The following MAP3K4 variants were observed in gnomAD, a reference collection of about 807,000 sequenced individuals.
MAP3K4 encodes the protein MAP three kinase 1.
In MAP3K4, 67 loss-of-function variants were observed where a neutral mutation model predicts 185.6. The observed-to-expected ratio is 0.36, with a 90% CI of 0.30 to 0.44. The LOEUF (loss-of-function observed/expected upper bound fraction) is 0.44. MAP3K4 is among the 20% of genes least tolerant of loss of function. The pLI, the probability that MAP3K4 is intolerant of heterozygous loss-of-function variation, is 1.00. For missense variants in MAP3K4, 1,551 were observed against 1,995.1 expected (o/e 0.78, Z 4.24); for synonymous variants, 702 against 710.4 (o/e 0.99, Z 0.19).
At chr6:161,102,814 A>AC (rs754636936) in intron 19 of MAP3K4, 35 bp downstream of exon 19, 2 of 1,414,372 alleles carry the variant, frequency 1.4e-6, no homozygotes, top group South Asian at 2.7e-5. Context: ...AAAAAAAAAA[A>AC]AAAAAAAAAA....
intron 1 of MAP3K4, among the ~76,000 whole-genome samples, chr6:161,031,979 C>A (rs1782952687): frequency 6.6e-6 from 1 of 152,162 alleles, no homozygotes; most frequent in Admixed American, 6.5e-5. Flanking sequence ...TCACTGCTGT[C>A]TGGCTTTGAT....
In MAP3K4 at chr6:160,996,295, C is replaced by T. The variant is rs1399244376; in HGVS notation, c.152+4212C>T. On this transcript the variant is annotated intron_variant, in intron 1 of 26. Transcript: ENST00000392142. The surrounding 1 kb of genome is among the most constrained non-coding windows in gnomAD (Gnocchi z 4.5). ...AGTGATGGCAGAAACTTCATGTTTT[C>T]AACTGGGGACTTGTCACTTAGGAGG... 6.6e-6 allele frequency among the ~76,000 whole-genome samples: 1 copy of T among 152,166 alleles called. No individual in the cohort carries two copies. The highest frequency in any genetic ancestry group is 2.4e-5 in the African/African-American group (1 of 41,442).
chr6:160,998,575 G>A (rs1781114057), intron 1 of MAP3K4, among the ~76,000 whole-genome samples: 1 of 152,192 alleles, frequency 6.6e-6, no homozygotes. Context: ...GCTTATCTGA[G>A]CTGGCTGTAG....
intron 2 of MAP3K4, among the ~76,000 whole-genome samples, chr6:161,041,912 C>CTTTTTATTTTTTTTTTTTTTTTTTT (rs1783474558): frequency 1.6e-5 from 1 of 64,046 alleles, no homozygotes; most frequent in Non-Finnish European, 2.8e-5. Flanking sequence ...GTTATTGTTT[C>CTTTTTATTTTTTTTTTTTTTTTTTT]TTTTTTTTTT....
rs1235525497 is a variant in MAP3K4, at chr6:161,098,732, T to TG, written c.3674+306dup. Among the ~76,000 whole-genome samples the TG allele has an allele frequency of 6.6e-6, 1 of 152,222 alleles. No individual in the cohort carries two copies. Among genetic ancestry groups the TG allele is most frequent in the African/African-American group, 2.4e-5 (1 of 41,468 alleles). ...GACTGGTCCACAACAGAAGGGGACA[T>TG]GAGCATTTTGCCTCACAGAGAGAGC... On this transcript the variant is annotated intron_variant, in intron 17 of 26. Transcript: ENST00000392142. The surrounding 1 kb of genome is among the most constrained non-coding windows in gnomAD (Gnocchi z 4.4).
In MAP3K4 at chr6:161,089,902, GA is replaced by G. The variant is rs536050489; in HGVS notation, c.2973+437del. Among the ~76,000 whole-genome samples, 13 of 152,224 alleles carry G rather than the reference GA, an allele frequency of 8.5e-5. No individual in the cohort carries two copies. In the East Asian group the frequency reaches 2.5e-3, roughly 29 times the overall value. ...TAATTCAACCAAATTAAATATAATA[GA>G]AAAAAGTTGCAGAGAAGTACAAAGG... On this transcript the variant is annotated intron_variant, in intron 11 of 26. Coordinates refer to ENST00000392142, the MANE Select transcript of MAP3K4 (RefSeq NM_005922.4).
At chr6:161,039,324 T>C (rs1345835895) in intron 2 of MAP3K4, among the ~76,000 whole-genome samples, 1 of 126,242 alleles carries the variant, frequency 7.9e-6, no homozygotes, top group Non-Finnish European at 1.6e-5. Context: ...CCTGAAGGAA[T>C]GTAAGGACTC....
At chr6:161,104,382 C>G (rs1056867169) in intron 19 of MAP3K4, among the ~76,000 whole-genome samples, 1 of 141,844 alleles carries the variant, frequency 7.1e-6, no homozygotes, top group Non-Finnish European at 1.5e-5. Context: ...CCATCACACT[C>G]TAGCCTGGGC....
intron 19 of MAP3K4, among the ~76,000 whole-genome samples, chr6:161,105,593 A>G (rs1272898886): frequency 1.3e-5 from 2 of 152,200 alleles, no homozygotes; most frequent in African/African-American, 4.8e-5. Context: ...GTGGCATTTC[A>G]GCTGCACTGT....
chr6:161,066,077 T>C (rs937264264), intron 3 of MAP3K4, among the ~76,000 whole-genome samples: 1 of 152,208 alleles, frequency 6.6e-6, no homozygotes, highest in Non-Finnish European at 1.5e-5. Flanking sequence ...GCGCAACCTA[T>C]ATAAGTTTTG....
rs984482592 is a variant in MAP3K4, at chr6:161,106,266, T to G, written c.3857-248T>G. Among the ~76,000 whole-genome samples, 4 of 152,130 alleles carry G rather than the reference T, an allele frequency of 2.6e-5. No individual in the cohort carries two copies. The highest frequency in any genetic ancestry group is 9.7e-5 in the African/African-American group (4 of 41,440). ...TATTACTGCAAGATTTTAGCCAACG[T>G]TCTTGGGAAAGGAAATCATTTTTGT... is the stretch of plus-strand genomic sequence containing the variant. On this transcript the variant is annotated intron_variant, in intron 19 of 26. Coordinates refer to ENST00000392142, the MANE Select transcript of MAP3K4 (RefSeq NM_005922.4). This position sits in a 1 kb window ranked among gnomAD's most constrained non-coding sequence, Gnocchi z 4.9.
chr6:161,061,529 TCAC>T lies in MAP3K4; in HGVS notation c.1708-9075_1708-9073del, dbSNP rs1185852754. ...CTCTGTATTTGGAGTTGTGCAACCA[TCAC>T]CACTGCAACCATCCTCACTGTGTAA... On this transcript the variant is annotated intron_variant, in intron 3 of 26. Transcript: ENST00000392142. This position sits in a 1 kb window ranked among gnomAD's most constrained non-coding sequence, Gnocchi z 4.2. 6.6e-6 allele frequency among the ~76,000 whole-genome samples: 1 copy of T among 152,220 alleles called. No individual in the cohort carries two copies. Among genetic ancestry groups the T allele is most frequent in the Non-Finnish European group, 1.5e-5 (1 of 68,034 alleles).
chr6:161,081,076 C>T, intron 6 of MAP3K4, 38 bp downstream of exon 6: 1 of 1,600,622 alleles, frequency 6.2e-7, no homozygotes, highest in Non-Finnish European at 8.5e-7. Flanking sequence ...ACGCTCCCAC[C>T]TTCTCACTCT....
rs188365423 is a variant in MAP3K4, at chr6:161,075,153, A to G, written c.2097+1541A>G. Among the ~76,000 whole-genome samples, 5 of 152,284 alleles carry G rather than the reference A, an allele frequency of 3.3e-5. No individual in the cohort carries two copies. The highest frequency in any genetic ancestry group is 3.4e-3 in the Middle Eastern group (1 of 294). On this transcript the variant is annotated intron_variant, in intron 5 of 26. Transcript: ENST00000392142. The surrounding 1 kb of genome is among the most constrained non-coding windows in gnomAD (Gnocchi z 4.3). ...TAAAATGGCTGTATTTTGAAATACT[A>G]TGTATTTATTTTCTTTTTTGAGATA...
Position 161,076,237 on chromosome 6 carries a change from CCG to C in MAP3K4, c.2097+2626_2097+2627del, listed in dbSNP as rs1391326688. Among the ~76,000 whole-genome samples, 1 of 152,148 alleles carries C rather than the reference CCG, an allele frequency of 6.6e-6. No homozygotes were observed. The highest frequency in any genetic ancestry group is 1.5e-5 in the Non-Finnish European group (1 of 68,026). On this transcript the variant is annotated intron_variant, in intron 5 of 26. Coordinates refer to ENST00000392142, the MANE Select transcript of MAP3K4 (RefSeq NM_005922.4). The surrounding 1 kb of genome is among the most constrained non-coding windows in gnomAD (Gnocchi z 4.2). ...ATATCTAGGGGTGTGACAGCCATGA[CCG>C]AAGCTGAGCCTGTCTCTCCAGGGAT...
In MAP3K4 at chr6:161,106,422, A is replaced by G. The variant is rs1385315454; in HGVS notation, c.3857-92A>G. ...ATAAGCTTTGCTGTAATGGAGTGCT[A>G]ATATATATTGCTCTATTTTTATTGG... is the stretch of plus-strand genomic sequence containing the variant. On this transcript the variant is annotated intron_variant, in intron 19 of 26. Transcript: ENST00000392142. This position sits in a 1 kb window ranked among gnomAD's most constrained non-coding sequence, Gnocchi z 4.9. 14 of 839,000 alleles carry G rather than the reference A, an allele frequency of 1.7e-5. No homozygotes were observed. In the Admixed American group the frequency reaches 3.7e-4, roughly 22 times the overall value. 52.0% of individuals were successfully genotyped at this position (839,000 alleles called of 1,614,324 possible).
chr6:161,024,311 C>G (rs1299796929), intron 1 of MAP3K4, among the ~76,000 whole-genome samples: 1 of 152,166 alleles, frequency 6.6e-6, no homozygotes, highest in East Asian at 1.9e-4. Flanking sequence ...AAAGATAGTA[C>G]ATAGAATTCC....
chr6:160,995,420 C>A lies in MAP3K4; in HGVS notation c.152+3337C>A, dbSNP rs539391633. ...CACAGGCCTTTTGTAGAATTCAGGCCTGTACATGTTGGCCTCCAAAGCTGT... is the reference window on the plus strand; with the variant it reads ...CACAGGCCTTTTGTAGAATTCAGGCATGTACATGTTGGCCTCCAAAGCTGT... On this transcript the variant is annotated intron_variant, in intron 1 of 26. Coordinates refer to ENST00000392142, the MANE Select transcript of MAP3K4 (RefSeq NM_005922.4). Among the ~76,000 whole-genome samples, 83 of 152,338 alleles carry A rather than the reference C, an allele frequency of 5.4e-4. 3 individuals are homozygous for A. In the South Asian group the frequency reaches 0.014, roughly 27 times the overall value.
At position 161,106,622 on chromosome 6, in the gene MAP3K4, G is replaced by A. The variant is rs748153185; in HGVS notation, c.3965G>A (p.Cys1322Tyr). 1 of 1,614,098 alleles carries A rather than the reference G, an allele frequency of 6.2e-7. No individual in the cohort carries two copies. The highest frequency in any genetic ancestry group is 8.5e-7 in the Non-Finnish European group (1 of 1,179,988). The stretch of plus-strand genomic sequence containing the variant: ...AGAAAGAATATCATTGGTCAAGTTT[G>A]TGATACGCCTAAGTCCTATGATAAT... ...MRRKNIIGQV[C>Y]DTPKSYDNVM... The change falls in exon 20 of 27, where the codon TGT (cysteine) becomes TAT (tyrosine). Residue 1322 changes from cysteine to tyrosine, a missense_variant. By Grantham distance (194) the Cys-to-Tyr change is radical. Around this residue, in one of 16 missense-constraint regions of MAP3K4, gnomAD observed 272 missense variants for 301.2 expected, o/e 0.90. Transcript: ENST00000392142. This position sits in a 1 kb window ranked among gnomAD's most constrained non-coding sequence, Gnocchi z 4.9.
Sources: allele counts gnomAD v4.1 joint callset (sites outside exome capture counted in the v4.1 genomes callset), GRCh38; gene constraint gnomAD v4.1.1; regional missense constraint gnomAD v4.1.1; non-coding constraint Gnocchi (gnomAD v3.1); transcripts MANE v1.5; gene names NCBI Gene and HGNC (gene_info 2026-07-23, HGNC 2026-07-21).